Variants in AGBL1 observed in about 807,000 individuals in gnomAD.
AGBL1 encodes the protein cytosolic carboxypeptidase 4.
AGBL1 carries 130 observed loss-of-function variants against 118.9 expected under a neutral mutation model. That is an observed-to-expected ratio of 1.09 (90% CI 0.95 to 1.26). The LOEUF is 1.26. Among genes scored for constraint, AGBL1 ranks in the 50% most tolerant of loss-of-function variants. The pLI, the probability that AGBL1 is intolerant of heterozygous loss-of-function variation, is 0.00. For synonymous variants in AGBL1, 555 were observed against 478.9 expected, an observed-to-expected ratio of 1.16 and a Z score of -2.08; for missense variants, 1,584 against 1,298.1, an observed-to-expected ratio of 1.22 and a Z score of -3.38.
chr15:86,480,355 T>C (rs1004716947), intron 18 of AGBL1, among the ~76,000 whole-genome samples: 1 of 152,072 alleles, frequency 6.6e-6, no homozygotes, highest in African/African-American at 2.4e-5. Flanking sequence ...TTAAAAAAAG[T>C]TTTACTAATT....
intron 21 of AGBL1, among the ~76,000 whole-genome samples, chr15:86,663,095 A>G (rs1176393231): frequency 6.6e-6 from 1 of 152,112 alleles, no homozygotes. Context: ...GTGCATTACA[A>G]GACTTCCACA....
intron 4 of AGBL1, among the ~76,000 whole-genome samples, chr15:86,158,308 C>A (rs2077220092): frequency 6.6e-6 from 1 of 152,198 alleles, no homozygotes; most frequent in Non-Finnish European, 1.5e-5. Context: ...ATCATCCACC[C>A]TTGTTTCCCT....
At chr15:86,946,098 C>A (rs1355337751) in intron 23 of AGBL1, 1 of 152,170 alleles carries the variant, frequency 6.6e-6, no homozygotes, top group Admixed American at 6.5e-5. Flanking sequence ...CTCACATCTC[C>A]CAACTCTAAG....
intron 18 of AGBL1, among the ~76,000 whole-genome samples, chr15:86,513,021 T>C (rs961533844): frequency 1.3e-5 from 2 of 151,874 alleles, no homozygotes; most frequent in Admixed American, 1.3e-4. Flanking sequence ...AGTATAAAAA[T>C]ATTCCTGCAT....
intron 18 of AGBL1, among the ~76,000 whole-genome samples, chr15:86,439,643 T>A (rs568765137): frequency 6.6e-6 from 1 of 152,314 alleles, no homozygotes; most frequent in East Asian, 1.9e-4. Context: ...GACAAGGCAA[T>A]ACTGAGCAAA....
At chr15:86,231,998 G>C (rs2078463660) in intron 6 of AGBL1, among the ~76,000 whole-genome samples, 1 of 152,286 alleles carries the variant, frequency 6.6e-6, no homozygotes, top group East Asian at 1.9e-4. Flanking sequence ...GCTGTGTAAA[G>C]GGCCAGGGTC....
intron 23 of AGBL1, among the ~76,000 whole-genome samples, chr15:86,962,587 A>G (rs992101825): frequency 5.3e-5 from 8 of 152,186 alleles, no homozygotes; most frequent in East Asian, 3.9e-4. Context: ...TAGGGAGACA[A>G]TGATGCAGAG....
At chr15:86,397,596 G>T in intron 18 of AGBL1, 50 bp downstream of exon 18, 2 of 1,518,056 alleles carry the variant, frequency 1.3e-6, no homozygotes, top group South Asian at 2.5e-5. Flanking sequence ...CTACCACAGT[G>T]ACACTGTCAT....
intron 5 of AGBL1, among the ~76,000 whole-genome samples, chr15:86,215,936 C>G (rs1203163368): frequency 6.6e-6 from 1 of 152,038 alleles, no homozygotes; most frequent in African/African-American, 2.4e-5. Flanking sequence ...AATATTTTTT[C>G]AAGTGTTCTC....
intron 3 of AGBL1, 142 bp downstream of exon 3, chr15:86,143,987 A>G: frequency 9.3e-7 from 1 of 1,075,388 alleles, no homozygotes; most frequent in Non-Finnish European, 1.3e-6. Flanking sequence ...TGATGGCAGG[A>G]CCAGCCCCAT....
intron 1 of AGBL1, among the ~76,000 whole-genome samples, chr15:86,103,214 A>T (rs890604102): frequency 2.6e-5 from 4 of 152,152 alleles, no homozygotes; most frequent in Non-Finnish European, 4.4e-5. Context: ...TTTGTGATAT[A>T]TTTGTATTGT....
intron 14 of AGBL1, among the ~76,000 whole-genome samples, chr15:86,271,042 C>CCTTTT (rs1567169858): frequency 4.5e-5 from 3 of 66,694 alleles, no homozygotes; most frequent in African/African-American, 2.6e-4. Flanking sequence ...AGTCACGTTG[C>CCTTTT]ATTTTTTTTT....
intron 21 of AGBL1, among the ~76,000 whole-genome samples, chr15:86,574,474 A>G (rs576275449): frequency 6.6e-6 from 1 of 152,156 alleles, no homozygotes; most frequent in Non-Finnish European, 1.5e-5. Context: ...GTGGCACCTA[A>G]GGCAAAGTTC....
chr15:86,656,697 C>T (rs2085465956), intron 21 of AGBL1, among the ~76,000 whole-genome samples: 1 of 152,146 alleles, frequency 6.6e-6, no homozygotes, highest in African/African-American at 2.4e-5. Flanking sequence ...CTCCCTTTTC[C>T]TGGCCAGAAC....
intron 17 of AGBL1, among the ~76,000 whole-genome samples, chr15:86,375,115 C>G (rs1346070465): frequency 1.3e-5 from 2 of 152,240 alleles, no homozygotes; most frequent in Non-Finnish European, 2.9e-5. Context: ...GGCAGCCTAT[C>G]TGACCCCTGG....
intron 3 of AGBL1, among the ~76,000 whole-genome samples, chr15:86,147,328 A>C (rs4887325): frequency 0.51 from 77,291 of 152,052 alleles, 19,913 homozygotes; most frequent in South Asian, 0.6. Flanking sequence ...ACCTGAGAAG[A>C]ACAAGAGGTT....
At chr15:86,384,763 C>T (rs949665844) in intron 17 of AGBL1, among the ~76,000 whole-genome samples, 1 of 152,036 alleles carries the variant, frequency 6.6e-6, no homozygotes, top group Non-Finnish European at 1.5e-5. Flanking sequence ...TATGTGAGCT[C>T]ACTTTCTTAT....
intron 21 of AGBL1, among the ~76,000 whole-genome samples, chr15:86,672,266 C>T (rs1324724773): frequency 6.6e-6 from 1 of 152,204 alleles, no homozygotes; most frequent in Admixed American, 6.5e-5. Context: ...ACAATGACAA[C>T]TATGACCTGA....
At chr15:86,210,589 C>A (rs1332718126) in intron 5 of AGBL1, among the ~76,000 whole-genome samples, 1 of 152,190 alleles carries the variant, frequency 6.6e-6, no homozygotes, top group Non-Finnish European at 1.5e-5. Flanking sequence ...GATACCCTTT[C>A]TTCCACTTGA....
Sources: gnomAD v4.1 joint callset for allele counts (sites outside exome capture counted in the v4.1 genomes callset) on GRCh38, gnomAD v4.1.1 for gene constraint, MANE v1.5 for transcripts, NCBI Gene and HGNC (gene_info 2026-07-23, HGNC 2026-07-21) for gene names.